Variants in NOD1 observed in about 807,000 individuals in gnomAD.
NOD1 encodes the protein nucleotide-binding oligomerization domain-containing protein 1.
NOD1 carries 70 observed loss-of-function variants against 81.2 expected under a neutral mutation model. The ratio of observed to expected loss-of-function variants is 0.86; its 90% CI spans 0.71 to 1.05. The LOEUF is 1.05. Among genes scored for constraint, NOD1 ranks in the 50% least tolerant of loss-of-function variants. NOD1 has a pLI of 0.00. For missense variants in NOD1, 1,233 were observed against 1,228.0 expected (o/e 1.00, Z -0.06); for synonymous variants, 508 against 526.9 (o/e 0.96, Z 0.49).
At chr7:30,477,302 C>G (rs894255431) in intron 1 of NOD1, among the ~76,000 whole-genome samples, 17 of 152,240 alleles carry the variant, frequency 1.1e-4, no homozygotes, top group Non-Finnish European at 1.9e-4. Flanking sequence ...TGTACTTTGT[C>G]AATGCCTGGT....
At chr7:30,461,179 A>T (rs920542938) in intron 1 of NOD1, among the ~76,000 whole-genome samples, 3 of 152,298 alleles carry the variant, frequency 2.0e-5, no homozygotes, top group Non-Finnish European at 2.9e-5. Flanking sequence ...AAATTTATTT[A>T]TTATTATTTT....
chr7:30,463,502 C>T (rs1247391925), intron 1 of NOD1: 3 of 152,542 alleles, frequency 2.0e-5, no homozygotes, highest in Non-Finnish European at 4.4e-5. Flanking sequence ...ACCAGGACCC[C>T]TCAGGAAATG....
chr7:30,447,184 T>G (rs1785199063), intron 7 of NOD1, 134 bp from the exon 8 acceptor site: 9 of 1,502,986 alleles, frequency 6.0e-6, no homozygotes, highest in Non-Finnish European at 8.2e-6. Context: ...CACCAGAGTT[T>G]AGGGCTCTGA....
intron 9 of NOD1, among the ~76,000 whole-genome samples, chr7:30,439,424 C>T (rs1363886912): frequency 7.1e-6 from 1 of 140,950 alleles, no homozygotes; most frequent in Non-Finnish European, 1.5e-5. Flanking sequence ...CGAAGCAGGG[C>T]GAGGCATTGC....
rs1786420487 is a variant in NOD1, at chr7:30,456,762, C to T, written c.160G>A (p.Asp54Asn). 1 of 1,614,180 alleles carries T rather than the reference C, an allele frequency of 6.2e-7. No homozygotes were observed. ...GGGCAGGCACACACAATCTCCGCAT[C>T]TTCGGCCGAGAAGTAGTCATTCTTC... The part of the protein sequence containing the change: ...LLKNDYFSAE[D>N]AEIVCACPTQ... Residue 54 changes from aspartate to asparagine, a missense_variant, in exon 4 of 14, where the codon GAT becomes AAT. Physicochemically the swap from Asp to Asn is conservative, Grantham distance 23. Transcript: ENST00000222823.
intron 11 of NOD1, 119 bp downstream of exon 11, chr7:30,435,879 G>T: frequency 1.3e-6 from 1 of 784,636 alleles, no homozygotes; most frequent in Non-Finnish European, 2.1e-6. Context: ...GTTCGAATGA[G>T]CCTGGGAGGT....
chr7:30,457,378 G>A (rs1046894975), intron 3 of NOD1, among the ~76,000 whole-genome samples: 6 of 152,116 alleles, frequency 3.9e-5, no homozygotes, highest in Non-Finnish European at 7.4e-5. Context: ...ATGAGCACAA[G>A]AGTTCAAGGC....
chr7:30,459,378 G>C (rs1218396651), intron 2 of NOD1, 138 bp from the exon 3 acceptor site: 2 of 152,446 alleles, frequency 1.3e-5, no homozygotes, highest in East Asian at 1.9e-4. Context: ...TTTTAGGACA[G>C]TGTTTTCTAA....
In NOD1 at chr7:30,432,798, A is replaced by G. The variant is rs74674289; in HGVS notation, c.2705+298T>C. 3.1e-3 allele frequency among the ~76,000 whole-genome samples: 465 copies of G among 152,322 alleles called. 1 individual carries two copies. Among genetic ancestry groups the G allele is most frequent in the African/African-American group, 0.011 (451 of 41,566 alleles). On this transcript the variant is annotated intron_variant, in intron 12 of 13. Transcript: ENST00000222823. The stretch of plus-strand genomic sequence containing the variant: ...AGAACACAGAGACAAAAGGTCACAT[A>G]TTGCTTGATTCCATTTATATGAAAT...
At position 30,458,871 on chromosome 7, in the gene NOD1, G is replaced by A. The variant is rs543350261; in HGVS notation, c.-122+281C>T. On this transcript the variant is annotated intron_variant, in intron 3 of 13. Coordinates refer to ENST00000222823, the MANE Select transcript of NOD1 (RefSeq NM_006092.4). ...CCTGCATCAGCCACCCGAGTAGCTA[G>A]AACTACAGGCGGGTGCCACCATGCC... Among the ~76,000 whole-genome samples the A allele has an allele frequency of 3.3e-5, 5 of 152,008 alleles. No individual in the cohort carries two copies. In the East Asian group the frequency reaches 9.7e-4, roughly 29 times the overall value.
At position 30,478,150 on chromosome 7, in the gene NOD1, G is replaced by A. The variant is rs979427642; in HGVS notation, c.-352+456C>T. 7.2e-5 allele frequency among the ~76,000 whole-genome samples: 11 copies of A among 152,222 alleles called. No homozygotes were observed. Among genetic ancestry groups the A allele is most frequent in the Non-Finnish European group, 1.2e-4 (8 of 68,016 alleles). On this transcript the variant is annotated intron_variant, in intron 1 of 13. Transcript: ENST00000222823. The surrounding 1 kb of genome is among the most constrained non-coding windows in gnomAD (Gnocchi z 4.1). Reference sequence around the variant, plus strand: ...CTGGGAGCTGCTGTCCCGTCTGCAGGCGGGACTCCATGAAGGCCCCTGTCT... The same window carrying A: ...CTGGGAGCTGCTGTCCCGTCTGCAGACGGGACTCCATGAAGGCCCCTGTCT...
At chr7:30,448,910 T>C (rs1270094596) in intron 6 of NOD1, among the ~76,000 whole-genome samples, 1 of 152,158 alleles carries the variant, frequency 6.6e-6, no homozygotes, top group Non-Finnish European at 1.5e-5. Flanking sequence ...CAGAAACACA[T>C]GGGCTAACCC....
intron 1 of NOD1, among the ~76,000 whole-genome samples, chr7:30,476,230 T>C (rs2128113032): frequency 6.6e-6 from 1 of 152,352 alleles, no homozygotes; most frequent in Non-Finnish European, 1.5e-5. Context: ...AAGACTTTGA[T>C]AGTCTTGTGT....
At chr7:30,464,323 T>A (rs1787462523) in intron 1 of NOD1, among the ~76,000 whole-genome samples, 1 of 152,114 alleles carries the variant, frequency 6.6e-6, no homozygotes, top group Non-Finnish European at 1.5e-5. Flanking sequence ...GCGTGACCCG[T>A]GGGATAGCTG....
intron 1 of NOD1, among the ~76,000 whole-genome samples, chr7:30,475,327 T>C (rs1324572044): frequency 6.6e-6 from 1 of 152,212 alleles, no homozygotes; most frequent in Non-Finnish European, 1.5e-5. Context: ...GAAACAAATG[T>C]AATCAAGGTG....
rs1786837103 is a variant in NOD1, at chr7:30,459,910, C to T, written c.-220G>A. 2 of 152,682 alleles carry T rather than the reference C, an allele frequency of 1.3e-5. 1 individual carries two copies. Among genetic ancestry groups the T allele is most frequent in the South Asian group, 4.1e-4 (2 of 4,836 alleles). 9.5% of individuals were successfully genotyped at this position (152,682 alleles called of 1,614,324 possible). A position where few individuals can be genotyped will look rare whatever the true frequency, so the allele number is the denominator to read the frequency against. Reference sequence around the variant, plus strand: ...GGCCCGTTTTACTCACTGCTTCTGTCTCTTCCAAGCCTGCGATTCCCATAA... The same window carrying T: ...GGCCCGTTTTACTCACTGCTTCTGTTTCTTCCAAGCCTGCGATTCCCATAA... On this transcript the variant is annotated 5_prime_UTR_variant, in exon 2 of 14. Transcript: ENST00000222823.
chr7:30,477,311 G>T (rs974949349), intron 1 of NOD1, among the ~76,000 whole-genome samples: 1 of 152,166 alleles, frequency 6.6e-6, no homozygotes, highest in Admixed American at 6.5e-5. Flanking sequence ...TCAATGCCTG[G>T]TTTGCCTGGA....
Position 30,446,982 on chromosome 7 carries a change from C to G in NOD1, c.2354G>C (p.Gly785Ala), listed in dbSNP as rs748179226. ...YVTKILDECK[G>A]LTHLKLGKNK... ...CCCCACTTACTTAAGATGCGTGAGG[C>G]CTTTGCATTCATCCAGGATTTTGGT... Residue 785 changes from glycine to alanine, a missense_variant, in exon 8 of 14, where the codon GGC (glycine) becomes GCC (alanine). Coordinates refer to ENST00000222823, the MANE Select transcript of NOD1 (RefSeq NM_006092.4). 2 of 1,614,014 alleles carry G rather than the reference C, an allele frequency of 1.2e-6. No homozygotes were observed. Among genetic ancestry groups the G allele is most frequent in the Non-Finnish European group, 1.7e-6 (2 of 1,179,896 alleles).
rs778812217 is a variant in NOD1 at position 30,425,649 on chromosome 7, T to C, written c.2851A>G (p.Ile951Val). 1 of 1,613,460 alleles carries C rather than the reference T, an allele frequency of 6.2e-7. No individual in the cohort carries two copies. Among genetic ancestry groups the C allele is most frequent in the South Asian group, 1.1e-5 (1 of 91,072 alleles). ...AKVYEDEKRIICF is the reference protein window; with the variant it reads ...AKVYEDEKRIVCF ...AGGAAAGCATCCTCTCAGAAACAGA[T>C]AATCCGCTTCTCATCTTCATAGACT... is the stretch of plus-strand genomic sequence containing the variant. The change falls in exon 14 of 14, where the codon ATC (isoleucine) becomes GTC (valine). Residue 951 changes from isoleucine (I) to valine (V), a missense_variant. Transcript: ENST00000222823.
Sources: gnomAD v4.1 joint callset for allele counts (sites outside exome capture counted in the v4.1 genomes callset) on GRCh38, gnomAD v4.1.1 for gene constraint, Gnocchi (gnomAD v3.1) non-coding constraint, MANE v1.5 for transcripts, NCBI Gene and HGNC (gene_info 2026-07-23, HGNC 2026-07-21) for gene names.